The following PCDHA8 variants were observed in gnomAD, a reference collection of about 807,000 sequenced individuals.
The protein encoded by PCDHA8 is protocadherin alpha-8.
PCDHA8 carries 53 observed loss-of-function variants against 61.8 expected under a neutral mutation model. The observed-to-expected ratio is 0.86, with a 90% CI of 0.69 to 1.08. The LOEUF (loss-of-function observed/expected upper bound fraction) is 1.08. Ranked by LOEUF, PCDHA8 falls within the 50% of genes least tolerant of loss-of-function variation. The pLI is 0.00. For missense variants in PCDHA8, 1,293 were observed against 1,245.0 expected (o/e 1.04, Z -0.58); for synonymous variants, 618 against 556.6 (o/e 1.11, Z -1.55).
intron 1 of PCDHA8, chr5:140,869,802 G>T: frequency 6.2e-7 from 1 of 1,612,556 alleles, no homozygotes; most frequent in South Asian, 1.1e-5. Flanking sequence ...TCCAAGTCTT[G>T]GATGTCAACG....
At chr5:140,959,826 T>C (rs2095512884) in intron 1 of PCDHA8, among the ~76,000 whole-genome samples, 1 of 152,224 alleles carries the variant, frequency 6.6e-6, no homozygotes, top group Non-Finnish European at 1.5e-5. Flanking sequence ...CACATGATAA[T>C]GTATTATGCC....
At chr5:140,846,239 T>G (rs1183572722) in intron 1 of PCDHA8, among the ~76,000 whole-genome samples, 1 of 149,652 alleles carries the variant, frequency 6.7e-6, no homozygotes, top group Non-Finnish European at 1.5e-5. Flanking sequence ...TAAAAAGAAG[T>G]ATACAATAAT....
chr5:140,887,335 A>G (rs1360547523), intron 1 of PCDHA8, among the ~76,000 whole-genome samples: 1 of 152,102 alleles, frequency 6.6e-6, no homozygotes, highest in African/African-American at 2.4e-5. Flanking sequence ...TGACCTCGTG[A>G]TCCACCTGGC....
chr5:140,886,463 GT>G (rs1387154249), intron 1 of PCDHA8, among the ~76,000 whole-genome samples: 5 of 152,042 alleles, frequency 3.3e-5, no homozygotes, highest in East Asian at 1.9e-4. Flanking sequence ...ATATATAAAT[GT>G]TTTTAAAATG....
chr5:140,848,575 G>A lies in PCDHA8; in HGVS notation c.2394+4860G>A, dbSNP rs1554142211. 6 of 1,595,558 alleles carry A rather than the reference G, an allele frequency of 3.8e-6. 1 individual carries two copies. In the East Asian group the frequency reaches 1.3e-4, roughly 36 times the overall value. ...CTGATCCTCGCAATGTGGGTGGTGG[G>A]GAGCGGCCAGCTCCACTACTCCGTC... On this transcript the variant is annotated intron_variant, in intron 1 of 3. Coordinates refer to ENST00000531613, the MANE Select transcript of PCDHA8 (RefSeq NM_018911.3).
At chr5:140,921,367 T>C (rs1165325497) in intron 1 of PCDHA8, among the ~76,000 whole-genome samples, 1 of 152,182 alleles carries the variant, frequency 6.6e-6, no homozygotes, top group African/African-American at 2.4e-5. Context: ...TCAAGTTTCA[T>C]ATTTCTACAT....
At chr5:140,862,451 C>A (rs1554156361) in intron 1 of PCDHA8, 4 of 365,784 alleles carry the variant, frequency 1.1e-5, no homozygotes, top group African/African-American at 2.1e-5. Flanking sequence ...TCCACAGCGC[C>A]CTGGACCAAG....
chr5:140,852,750 G>A (rs1477121492), intron 1 of PCDHA8: 2 of 984,026 alleles, frequency 2.0e-6, no homozygotes, highest in African/African-American at 3.5e-5. Flanking sequence ...TTTAAACTTG[G>A]ACCCAGGTAT....
At chr5:140,850,650 A>G in intron 1 of PCDHA8, 1 of 1,598,426 alleles carries the variant, frequency 6.3e-7, no homozygotes, top group Non-Finnish European at 8.6e-7. Context: ...GCTGCTGTAC[A>G]CTGTGCTGCG....
At chr5:140,927,889 G>A in intron 1 of PCDHA8, 3 of 1,614,226 alleles carry the variant, frequency 1.9e-6, no homozygotes, top group Non-Finnish European at 2.5e-6. Flanking sequence ...GGTGACTGAC[G>A]TGAACGATCA....
At chr5:140,991,753 T>C (rs1262588559) in intron 3 of PCDHA8, among the ~76,000 whole-genome samples, 3 of 152,208 alleles carry the variant, frequency 2.0e-5, no homozygotes, top group Non-Finnish European at 2.9e-5. Flanking sequence ...CTTTCTATCA[T>C]GCTCTTCAAA....
chr5:140,990,157 T>C (rs113813870), intron 3 of PCDHA8, among the ~76,000 whole-genome samples: 6 of 152,050 alleles, frequency 3.9e-5, no homozygotes, highest in African/African-American at 1.2e-4. Flanking sequence ...AATAGAAAGT[T>C]AGGGTATGAA....
intron 1 of PCDHA8, among the ~76,000 whole-genome samples, chr5:140,931,683 A>C (rs1482331530): frequency 6.6e-6 from 1 of 151,950 alleles, no homozygotes; most frequent in Non-Finnish European, 1.5e-5. Flanking sequence ...AAATAAATGA[A>C]TTGTGATTCA....
intron 1 of PCDHA8, among the ~76,000 whole-genome samples, chr5:140,945,317 A>C (rs1322598969): frequency 1.3e-5 from 2 of 152,150 alleles, no homozygotes; most frequent in Non-Finnish European, 2.9e-5. Context: ...AAATAAATGG[A>C]AATATATTTT....
chr5:140,967,020 C>G (rs782147091), intron 1 of PCDHA8: 4 of 1,607,570 alleles, frequency 2.5e-6, no homozygotes, highest in African/African-American at 1.3e-5. Flanking sequence ...CTGGGTGCGC[C>G]CAGTCCGCGC....
rs782337552 is a variant in PCDHA8, at chr5:140,856,686, C to G, written c.2394+12971C>G. On this transcript the variant is annotated intron_variant, in intron 1 of 3. Transcript: ENST00000531613. ...CCTCAGCTAAAGTTGTTGTTGACAG[C>G]AACTGATGGAGGCAAACCTGAATTT... is the stretch of plus-strand genomic sequence containing the variant. The G allele has an allele frequency of 1.9e-6, 3 of 1,597,202 alleles. No individual in the cohort carries two copies. The East Asian group carries it at 6.7e-5, about 36-fold the overall frequency.
At chr5:140,948,027 G>T (rs530195389) in intron 1 of PCDHA8, among the ~76,000 whole-genome samples, 1 of 151,544 alleles carries the variant, frequency 6.6e-6, no homozygotes, top group Non-Finnish European at 1.5e-5. Flanking sequence ...TTTCTGGTTT[G>T]CTCAGAGTTT....
At chr5:140,935,402 A>T (rs1297077002) in intron 1 of PCDHA8, among the ~76,000 whole-genome samples, 2 of 152,212 alleles carry the variant, frequency 1.3e-5, no homozygotes, top group Non-Finnish European at 2.9e-5. Flanking sequence ...ACGGGACTCA[A>T]ACAATGGACT....
At chr5:140,844,093 C>A (rs2150368688) in intron 1 of PCDHA8, among the ~76,000 whole-genome samples, 1 of 149,604 alleles carries the variant, frequency 6.7e-6, no homozygotes, top group African/African-American at 2.4e-5. Context: ...AACTCTTAAT[C>A]TTACTCCATA....
Sources: gnomAD v4.1 joint callset for allele counts (sites outside exome capture counted in the v4.1 genomes callset) on GRCh38, gnomAD v4.1.1 for gene constraint, MANE v1.5 for transcripts, NCBI Gene and HGNC (gene_info 2026-07-23, HGNC 2026-07-21) for gene names.